The following SLC44A1 variants were observed in gnomAD, a reference collection of about 807,000 sequenced individuals.
SLC44A1 encodes solute carrier family 44 member 1.
SLC44A1 carries 26 observed loss-of-function variants against 79.3 expected under a neutral mutation model. That is an observed-to-expected ratio of 0.33 (90% CI 0.24 to 0.46). SLC44A1 has a LOEUF of 0.46. Among genes scored for constraint, SLC44A1 ranks in the 20% least tolerant of loss-of-function variants. The probability of loss-of-function intolerance (pLI) is 1.00; values close to 1 mark genes in which losing one functional copy is unlikely to be tolerated. For missense variants in SLC44A1, 688 were observed against 798.1 expected, an observed-to-expected ratio of 0.86 and a Z score of 1.66; for synonymous variants, 263 against 286.2, an observed-to-expected ratio of 0.92 and a Z score of 0.82.
intron 9 of SLC44A1, 23 bp from the exon 10 acceptor site, chr9:105,364,532 T>C: frequency 1.9e-6 from 3 of 1,591,050 alleles, no homozygotes; most frequent in Non-Finnish European, 2.6e-6. Context: ...TGCTTCTTCT[T>C]TCCTTCCTTG....
intron 9 of SLC44A1, among the ~76,000 whole-genome samples, chr9:105,363,985 TC>T (rs1827863328): frequency 6.6e-6 from 1 of 152,204 alleles, no homozygotes; most frequent in Non-Finnish European, 1.5e-5. Context: ...CTTGGGATTT[TC>T]TGGTTTCGAA....
intron 1 of SLC44A1, among the ~76,000 whole-genome samples, chr9:105,256,741 TTTTTATTTTATTTTA>T (rs59529626): frequency 0.016 from 2,097 of 130,890 alleles, 18 homozygotes; most frequent in Non-Finnish European, 0.019. Flanking sequence ...TTTTGTATTA[TTTTTATTTTATTTTA>T]TTTTATTTTA....
chr9:105,433,051 T>C (rs28541347), intron 15 of SLC44A1, among the ~76,000 whole-genome samples: 6,240 of 152,204 alleles, frequency 0.041, 407 homozygotes, highest in African/African-American at 0.14. Flanking sequence ...TCCTAGCACT[T>C]TGGGAGGCCG....
chr9:105,419,722 C>G (rs1043758694), intron 15 of SLC44A1, among the ~76,000 whole-genome samples: 2 of 151,998 alleles, frequency 1.3e-5, no homozygotes, highest in African/African-American at 2.4e-5. Context: ...CGAGACCAGC[C>G]TGACCAATAT....
intron 3 of SLC44A1, among the ~76,000 whole-genome samples, chr9:105,314,260 T>C (rs1831260050): frequency 6.6e-6 from 1 of 152,100 alleles, no homozygotes; most frequent in South Asian, 2.1e-4. Flanking sequence ...TGTGCTTCTA[T>C]CAAAGATGCT....
In SLC44A1 at chr9:105,393,229, G is replaced by A. The variant is rs1219313429; in HGVS notation, c.*4173G>A. On this transcript the variant is annotated 3_prime_UTR_variant, in exon 16 of 16. Coordinates refer to ENST00000374720, the MANE Select transcript of SLC44A1 (RefSeq NM_080546.5). ...TAAATGCATATTCATGTATCTTTGTGTGCTAAGAATGCATGTTAGCCCTTT... is the reference window on the plus strand; with the variant it reads ...TAAATGCATATTCATGTATCTTTGTATGCTAAGAATGCATGTTAGCCCTTT... The A allele has an allele frequency of 5.1e-6, 5 of 985,224 alleles. No homozygotes were observed. Among genetic ancestry groups the A allele is most frequent in the African/African-American group, 1.7e-5 (1 of 57,246 alleles). The allele number at this position is 985,224 out of a possible 1,614,324, so 61.0% of individuals were successfully genotyped here.
chr9:105,431,580 C>T (rs1829393818), intron 15 of SLC44A1, among the ~76,000 whole-genome samples: 1 of 152,206 alleles, frequency 6.6e-6, no homozygotes, highest in African/African-American at 2.4e-5. Flanking sequence ...TGACAGCCTC[C>T]TCTGAGACAT....
At chr9:105,292,583 A>G (rs1329614415) in intron 1 of SLC44A1, among the ~76,000 whole-genome samples, 2 of 152,206 alleles carry the variant, frequency 1.3e-5, no homozygotes, top group African/African-American at 4.8e-5. Context: ...GTTTTGGGGC[A>G]CAAAACACAT....
chr9:105,320,250 G>C (rs1826348909), intron 3 of SLC44A1, among the ~76,000 whole-genome samples: 1 of 139,316 alleles, frequency 7.2e-6, no homozygotes, highest in Admixed American at 7.1e-5. Context: ...CAGTTTATCT[G>C]TTCACTAGGT....
At chr9:105,288,983 G>A (rs1235562441) in intron 1 of SLC44A1, among the ~76,000 whole-genome samples, 1 of 152,148 alleles carries the variant, frequency 6.6e-6, no homozygotes, top group Non-Finnish European at 1.5e-5. Context: ...ATTTAAAATG[G>A]GATTAATTTT....
intron 8 of SLC44A1, 45 bp from the exon 9 acceptor site, chr9:105,362,776 T>G (rs767456441): frequency 1.4e-6 from 2 of 1,422,926 alleles, no homozygotes; most frequent in Non-Finnish European, 1.9e-6. Flanking sequence ...TCGGTTTCTG[T>G]TTTCACTACT....
At chr9:105,422,825 G>A (rs930910983) in intron 15 of SLC44A1, among the ~76,000 whole-genome samples, 4 of 152,184 alleles carry the variant, frequency 2.6e-5, no homozygotes, top group Non-Finnish European at 5.9e-5. Context: ...TAAATAAAGA[G>A]GGAATTTTAG....
At chr9:105,253,689 G>A (rs770766620) in intron 1 of SLC44A1, among the ~76,000 whole-genome samples, 7 of 152,144 alleles carry the variant, frequency 4.6e-5, no homozygotes, top group Non-Finnish European at 7.3e-5. Context: ...AGCTATGATC[G>A]TGCCTGTATT....
In SLC44A1 at chr9:105,389,213, G is replaced by A; in HGVS notation, c.*157G>A. On this transcript the variant is annotated 3_prime_UTR_variant, in exon 16 of 16. Transcript: ENST00000374720. ...CACACATAAATCAGCCAAAATCAGA[G>A]AAAAGGAACAGGGATTTAATACCTT... 1 of 1,332,674 alleles carries A rather than the reference G, an allele frequency of 7.5e-7. No homozygotes were observed. Among genetic ancestry groups the A allele is most frequent in the South Asian group, 2.4e-5 (1 of 42,190 alleles). 82.6% of individuals were successfully genotyped at this position (1,332,674 alleles called of 1,614,324 possible). A position where few individuals can be genotyped will look rare whatever the true frequency, so the allele number is the denominator to read the frequency against.
chr9:105,355,996 AC>A, intron 5 of SLC44A1: 1 of 545,444 alleles, frequency 1.8e-6, no homozygotes, highest in East Asian at 3.1e-5. Context: ...TGGAACATGC[AC>A]TCCACCCTCT....
chr9:105,374,588 T>C lies in SLC44A1; in HGVS notation c.1495-10T>C, dbSNP rs1176099621. On this transcript the variant is annotated splice_polypyrimidine_tract_variant and intron_variant, in intron 12 of 15. Coordinates refer to ENST00000374720, the MANE Select transcript of SLC44A1 (RefSeq NM_080546.5). Reference sequence around the variant, plus strand: ...TTGTTGACGAAAATGTTGTTTTTGCTTTTGTCCAGAATGCATACACAGCCA... The same window carrying C: ...TTGTTGACGAAAATGTTGTTTTTGCCTTTGTCCAGAATGCATACACAGCCA... The C allele has an allele frequency of 6.2e-7, 1 of 1,600,178 alleles. No individual in the cohort carries two copies. Among genetic ancestry groups the C allele is most frequent in the South Asian group, 1.1e-5 (1 of 87,914 alleles).
At chr9:105,379,445 C>G (rs766113813) in intron 13 of SLC44A1, among the ~76,000 whole-genome samples, 55 of 152,088 alleles carry the variant, frequency 3.6e-4, no homozygotes, top group Non-Finnish European at 2.9e-4. Context: ...GTTGTGATAT[C>G]AGTATGCTAT....
Position 105,437,295 on chromosome 9 carries a change from A to G in SLC44A1, c.1951-986A>G, listed in dbSNP as rs540717679. On this transcript the variant is annotated intron_variant, in intron 15 of 15. Coordinates refer to the SLC44A1 transcript ENST00000374724. ...TCGATATCTATCTATAGATATATCT[A>G]TATCTATATGTATAGATAGATATCT... is the stretch of plus-strand genomic sequence containing the variant. Among the ~76,000 whole-genome samples, 17 of 152,182 alleles carry G rather than the reference A, an allele frequency of 1.1e-4. 1 individual carries two copies. In the South Asian group the frequency reaches 2.9e-3, roughly 26 times the overall value.
chr9:105,366,220 G>A (rs757714654), intron 11 of SLC44A1, 126 bp from the exon 12 acceptor site: 4 of 459,260 alleles, frequency 8.7e-6, no homozygotes, highest in East Asian at 3.6e-5. Context: ...AAGTGGACAA[G>A]TATGGAGGCT....
Sources: gnomAD v4.1 joint callset for allele counts (sites outside exome capture counted in the v4.1 genomes callset) on GRCh38, gnomAD v4.1.1 for gene constraint, MANE v1.5 for transcripts, NCBI Gene and HGNC (gene_info 2026-07-23, HGNC 2026-07-21) for gene names.